The following NHERF2 variants were observed in gnomAD, a reference collection of about 807,000 sequenced individuals.
NHERF2 encodes NHERF family PDZ scaffold protein 2.
chr16:2,030,215 G>T, the NHERF2 span, among the ~76,000 whole-genome samples: 1 of 152,222 alleles, frequency 6.6e-6, no homozygotes, highest in Admixed American at 6.5e-5. Flanking sequence ...GGGAAGGCCT[G>T]GGAGAGGGCC....
the NHERF2 span, chr16:2,035,779 T>G: frequency 2.7e-6 from 2 of 737,136 alleles, no homozygotes; most frequent in Non-Finnish European, 3.3e-6. Context: ...ACTAAGCTCC[T>G]GCCCCAGCCC....
At chr16:2,028,715 C>A in the NHERF2 span, among the ~76,000 whole-genome samples, 4 of 152,162 alleles carry the variant, frequency 2.6e-5, no homozygotes, top group Non-Finnish European at 5.9e-5. Flanking sequence ...CTGAGCCCGG[C>A]AGCTGGTGGG....
the NHERF2 span, among the ~76,000 whole-genome samples, chr16:2,034,816 G>A: frequency 6.6e-6 from 1 of 151,104 alleles, no homozygotes; most frequent in Non-Finnish European, 1.5e-5. Flanking sequence ...CTGTCCCCAC[G>A]CCTTCCCTGC....
At chr16:2,036,461 T>C in the NHERF2 span, 1 of 1,602,464 alleles carries the variant, frequency 6.2e-7, no homozygotes, top group Non-Finnish European at 8.5e-7. Flanking sequence ...CGGGCTCACC[T>C]GCCGCCCGCT....
the NHERF2 span, chr16:2,033,470 C>T: frequency 1.3e-6 from 2 of 1,496,932 alleles, no homozygotes; most frequent in Non-Finnish European, 1.8e-6. Flanking sequence ...CTAGGAGGAA[C>T]CGGCAGCCGC....
At chr16:2,033,323 C>T in the NHERF2 span, 1 of 1,533,068 alleles carries the variant, frequency 6.5e-7, no homozygotes, top group Non-Finnish European at 8.7e-7. Flanking sequence ...GGCCGGACGC[C>T]TGCCACTTGC....
the NHERF2 span, chr16:2,037,453 G>GT: frequency 2.2e-5 from 27 of 1,201,638 alleles, no homozygotes; most frequent in South Asian, 2.3e-4. Flanking sequence ...GCACACACTG[G>GT]GGGGGGGTGT....
the NHERF2 span, among the ~76,000 whole-genome samples, chr16:2,034,942 G>A: frequency 6.6e-6 from 1 of 152,224 alleles, no homozygotes; most frequent in Non-Finnish European, 1.5e-5. Context: ...GTGTCTGGGG[G>A]AGGAGTGAGT....
the NHERF2 span, among the ~76,000 whole-genome samples, chr16:2,030,436 C>T: frequency 1.3e-5 from 2 of 152,248 alleles, no homozygotes; most frequent in Admixed American, 6.5e-5. Flanking sequence ...TCCTCCTTCC[C>T]CTGCCCTTGC....
chr16:2,037,513 C>T, the NHERF2 span: 2 of 1,599,936 alleles, frequency 1.3e-6, no homozygotes, highest in South Asian at 1.1e-5. Context: ...GTCTGTGAAA[C>T]CACAATCTGC....
chr16:2,033,368 G>A, the NHERF2 span: 1 of 1,533,262 alleles, frequency 6.5e-7, no homozygotes, highest in Non-Finnish European at 8.7e-7. Context: ...CGCTCCGGGA[G>A]TGCCACGCCA....
chr16:2,030,127 G>C, the NHERF2 span, among the ~76,000 whole-genome samples: 1 of 152,244 alleles, frequency 6.6e-6, no homozygotes, highest in Non-Finnish European at 1.5e-5. Context: ...TTCCAGGTCT[G>C]CGTGTGCGCA....
chr16:2,036,085 C>T, the NHERF2 span: 12 of 509,508 alleles, frequency 2.4e-5, no homozygotes, highest in African/African-American at 7.8e-5. Context: ...CCCAGCAACC[C>T]GGGAAGGCGG....
At chr16:2,036,769 G>T in the NHERF2 span, 13 of 1,613,444 alleles carry the variant, frequency 8.1e-6, no homozygotes, top group Non-Finnish European at 1.1e-5. Flanking sequence ...ATGCTGAGGT[G>T]GTGGCCAGCA....
the NHERF2 span, chr16:2,036,071 T>C: frequency 4.0e-6 from 2 of 503,748 alleles, no homozygotes; most frequent in South Asian, 6.2e-5. Context: ...GCCAAAGGAA[T>C]TCTCCCAGCA....
the NHERF2 span, chr16:2,027,295 G>C: frequency 2.4e-6 from 2 of 820,692 alleles, no homozygotes; most frequent in Non-Finnish European, 3.3e-6. Flanking sequence ...GGGTCGCACG[G>C]GGGCCCGAGG....
At chr16:2,029,365 C>T in the NHERF2 span, among the ~76,000 whole-genome samples, 1 of 150,124 alleles carries the variant, frequency 6.7e-6, no homozygotes, top group South Asian at 2.1e-4. Flanking sequence ...GAAGCCCTCA[C>T]AGCCTGGGCC....
the NHERF2 span, chr16:2,035,783 C>T: frequency 6.9e-6 from 5 of 720,580 alleles, no homozygotes; most frequent in Non-Finnish European, 8.5e-6. Flanking sequence ...AGCTCCTGCC[C>T]CAGCCCCTGC....
At chr16:2,031,618 G>A in the NHERF2 span, among the ~76,000 whole-genome samples, 4 of 152,146 alleles carry the variant, frequency 2.6e-5, no homozygotes, top group Admixed American at 6.5e-5. Flanking sequence ...AGGAACAAAG[G>A]GTGGCCTGAG....
Sources: allele counts gnomAD v4.1 joint callset (sites outside exome capture counted in the v4.1 genomes callset), GRCh38; gene constraint gnomAD v4.1.1; transcripts MANE v1.5; gene names NCBI Gene and HGNC (gene_info 2026-07-23, HGNC 2026-07-21).